Variants in ATOSA observed in about 807,000 individuals in gnomAD.
ATOSA encodes atos homolog A.
chr15:52,702,852 T>A, the ATOSA span, among the ~76,000 whole-genome samples: 2 of 149,460 alleles, frequency 1.3e-5, no homozygotes, highest in Non-Finnish European at 3.0e-5. Context: ...AAAATGACAC[T>A]GAATGAGCAT....
the ATOSA span, among the ~76,000 whole-genome samples, chr15:52,677,825 CTTAACCTTCT>C: frequency 6.6e-6 from 1 of 152,198 alleles, no homozygotes; most frequent in East Asian, 1.9e-4. Flanking sequence ...TGTAAAAACG[CTTAACCTTCT>C]CTTCCATATG....
At chr15:52,665,451 T>C in the ATOSA span, among the ~76,000 whole-genome samples, 2 of 152,340 alleles carry the variant, frequency 1.3e-5, no homozygotes, top group African/African-American at 4.8e-5. Context: ...TTGGAATCAT[T>C]TGTGTGAGTT....
At chr15:52,678,106 G>C in the ATOSA span, 1 of 1,508,170 alleles carries the variant, frequency 6.6e-7, no homozygotes, top group South Asian at 1.1e-5. Flanking sequence ...TACGGCTTCT[G>C]CTTCGCTTTC....
At chr15:52,655,798 A>T in the ATOSA span, among the ~76,000 whole-genome samples, 37,057 of 151,996 alleles carry the variant, frequency 0.24, 6,430 homozygotes, top group East Asian at 0.64. Flanking sequence ...CAAGACATAA[A>T]GGAGGAAAGC....
At chr15:52,671,569 G>A in the ATOSA span, among the ~76,000 whole-genome samples, 12 of 152,132 alleles carry the variant, frequency 7.9e-5, no homozygotes, top group African/African-American at 2.9e-4. Context: ...TAGCTGTAGA[G>A]ACAGACAATA....
At chr15:52,646,544 C>T in the ATOSA span, among the ~76,000 whole-genome samples, 1 of 152,064 alleles carries the variant, frequency 6.6e-6, no homozygotes, top group Non-Finnish European at 1.5e-5. Context: ...TAGGAGTCCA[C>T]AAAGGGATAC....
the ATOSA span, chr15:52,608,858 T>G: frequency 5.0e-6 from 8 of 1,609,248 alleles, no homozygotes; most frequent in African/African-American, 8.0e-5. Flanking sequence ...ACAGTAACTT[T>G]TATTTTTGAG....
At chr15:52,584,624 T>A in the ATOSA span, 1 of 795,196 alleles carries the variant, frequency 1.3e-6, no homozygotes, top group South Asian at 1.9e-5. Context: ...TCATCAAGAG[T>A]TCCCAAGCTA....
the ATOSA span, chr15:52,593,386 C>T: frequency 1.8e-6 from 1 of 543,534 alleles, no homozygotes; most frequent in Non-Finnish European, 3.3e-6. Flanking sequence ...TAGTACCATC[C>T]TTAAATGCAA....
At chr15:52,668,584 G>C in the ATOSA span, among the ~76,000 whole-genome samples, 1 of 152,148 alleles carries the variant, frequency 6.6e-6, no homozygotes, top group Admixed American at 6.5e-5. Context: ...GAAATCATAA[G>C]TGCATGAGGT....
the ATOSA span, among the ~76,000 whole-genome samples, chr15:52,641,301 T>C: frequency 6.6e-6 from 1 of 152,262 alleles, no homozygotes; most frequent in African/African-American, 2.4e-5. Context: ...CAAAAGGCAC[T>C]GAGCTGAAAG....
At chr15:52,705,739 G>A in the ATOSA span, among the ~76,000 whole-genome samples, 1 of 152,092 alleles carries the variant, frequency 6.6e-6, no homozygotes, top group Non-Finnish European at 1.5e-5. Context: ...AATGTCAATA[G>A]CACCAACACC....
At chr15:52,666,392 T>C in the ATOSA span, among the ~76,000 whole-genome samples, 2 of 152,198 alleles carry the variant, frequency 1.3e-5, no homozygotes, top group African/African-American at 2.4e-5. Context: ...CCTCGCACAA[T>C]ACCTGATAAG....
the ATOSA span, among the ~76,000 whole-genome samples, chr15:52,660,395 C>A: frequency 6.6e-6 from 1 of 152,164 alleles, no homozygotes; most frequent in Admixed American, 6.5e-5. Flanking sequence ...AAATTCAGAA[C>A]CTTTGCACAT....
At chr15:52,592,824 G>A in the ATOSA span, among the ~76,000 whole-genome samples, 1 of 152,166 alleles carries the variant, frequency 6.6e-6, no homozygotes, top group Non-Finnish European at 1.5e-5. Flanking sequence ...AGACATTAGC[G>A]TGAGTCTGAA....
chr15:52,600,265 A>C, the ATOSA span: 3 of 1,330,930 alleles, frequency 2.3e-6, no homozygotes, highest in Non-Finnish European at 3.2e-6. Flanking sequence ...GCAAAAGAAC[A>C]CATTAGCCAC....
At chr15:52,603,172 T>A in the ATOSA span, among the ~76,000 whole-genome samples, 3 of 152,048 alleles carry the variant, frequency 2.0e-5, no homozygotes, top group Admixed American at 1.3e-4. Flanking sequence ...ACAAAAAAAA[T>A]CTGAACAGAC....
At chr15:52,595,867 T>G in the ATOSA span, among the ~76,000 whole-genome samples, 1 of 151,656 alleles carries the variant, frequency 6.6e-6, no homozygotes, top group East Asian at 2.0e-4. Flanking sequence ...CCCAGCAGTT[T>G]GGGAGACTGA....
At chr15:52,621,075 GTTTATGAAAACA>G in the ATOSA span, among the ~76,000 whole-genome samples, 1 of 152,206 alleles carries the variant, frequency 6.6e-6, no homozygotes, top group Non-Finnish European at 1.5e-5. Flanking sequence ...GTTCAAGGAT[GTTTATGAAAACA>G]TTTATACCAA....
Sources: gnomAD v4.1 joint callset for allele counts (sites outside exome capture counted in the v4.1 genomes callset) on GRCh38, gnomAD v4.1.1 for gene constraint, MANE v1.5 for transcripts, NCBI Gene and HGNC (gene_info 2026-07-23, HGNC 2026-07-21) for gene names.